HPSE2: variants seen among roughly 807,000 people sequenced by gnomAD.
HPSE2 encodes inactive heparanase-2.
A neutral mutation model predicts 60.5 loss-of-function variants in HPSE2; 38 were observed. The observed-to-expected ratio is 0.63, with a 90% CI of 0.48 to 0.82. The LOEUF (loss-of-function observed/expected upper bound fraction) is 0.82, where lower values mean the gene tolerates loss of function less well. Among genes scored for constraint, HPSE2 ranks in the 40% least tolerant of loss-of-function variants. The pLI is 0.00. For missense variants in HPSE2, 713 were observed against 740.4 expected, an observed-to-expected ratio of 0.96 and a Z score of 0.43; for synonymous variants, 295 against 293.2, an observed-to-expected ratio of 1.01 and a Z score of -0.06.
chr10:98,587,817 T>C (rs984267785), intron 9 of HPSE2, among the ~76,000 whole-genome samples: 2 of 152,210 alleles, frequency 1.3e-5, no homozygotes, highest in Middle Eastern at 3.2e-3. Flanking sequence ...TTTTCTTTAC[T>C]CCAGAAAACA....
chr10:98,475,086 T>C (rs998453963), intron 11 of HPSE2, among the ~76,000 whole-genome samples: 1 of 152,120 alleles, frequency 6.6e-6, no homozygotes, highest in Non-Finnish European at 1.5e-5. Flanking sequence ...TACTTGGAAC[T>C]CTTGAGCCCT....
At chr10:98,660,444 T>A (rs1200137143) in intron 6 of HPSE2, among the ~76,000 whole-genome samples, 1 of 152,182 alleles carries the variant, frequency 6.6e-6, no homozygotes, top group Admixed American at 6.5e-5. Flanking sequence ...TTATTGGGGC[T>A]CCTTTCCATA....
chr10:99,297,827 T>C, the HPSE2 span, among the ~76,000 whole-genome samples: 1 of 152,106 alleles, frequency 6.6e-6, no homozygotes, highest in Non-Finnish European at 1.5e-5. Context: ...TCAGCATTGG[T>C]AATTTTGACC....
At chr10:99,263,990 G>A in the HPSE2 span, among the ~76,000 whole-genome samples, 14 of 151,782 alleles carry the variant, frequency 9.2e-5, no homozygotes, top group East Asian at 1.9e-4. Flanking sequence ...TCTTATTCTC[G>A]TTCCCATTCT....
chr10:98,696,899 A>G (rs1236485859), intron 5 of HPSE2, among the ~76,000 whole-genome samples: 2 of 152,226 alleles, frequency 1.3e-5, no homozygotes, highest in Admixed American at 6.5e-5. Context: ...GCAGCCCTAT[A>G]GAACAGGGAC....
intron 3 of HPSE2, among the ~76,000 whole-genome samples, chr10:99,110,012 A>G (rs1589671269): frequency 6.6e-6 from 1 of 152,308 alleles, no homozygotes; most frequent in East Asian, 1.9e-4. Flanking sequence ...TTCTCCAGAA[A>G]TTATACGATA....
chr10:98,890,985 T>C (rs749202566), intron 3 of HPSE2, among the ~76,000 whole-genome samples: 5 of 152,230 alleles, frequency 3.3e-5, no homozygotes, highest in African/African-American at 4.8e-5. Context: ...GGAGCACATA[T>C]CTTATTTTAA....
At chr10:98,884,970 C>A (rs1277957112) in intron 3 of HPSE2, among the ~76,000 whole-genome samples, 1 of 152,092 alleles carries the variant, frequency 6.6e-6, no homozygotes, top group Admixed American at 6.6e-5. Flanking sequence ...CCAGAACTGC[C>A]ATAGGCAGTG....
chr10:98,564,137 A>C (rs1302389474), intron 9 of HPSE2, among the ~76,000 whole-genome samples: 2 of 152,288 alleles, frequency 1.3e-5, no homozygotes, highest in Non-Finnish European at 2.9e-5. Context: ...GCCAGCCACA[A>C]TGTACTAAAA....
chr10:98,513,043 T>C (rs1942472363), intron 9 of HPSE2, among the ~76,000 whole-genome samples: 2 of 152,234 alleles, frequency 1.3e-5, no homozygotes, highest in African/African-American at 4.8e-5. Flanking sequence ...AGTTCATATG[T>C]GTCTTTCCTT....
chr10:98,645,911 C>G (rs1257465891), intron 6 of HPSE2, among the ~76,000 whole-genome samples: 1 of 152,094 alleles, frequency 6.6e-6, no homozygotes, highest in South Asian at 2.1e-4. Flanking sequence ...GGAGGCGGAG[C>G]TTGCAGTGAG....
intron 3 of HPSE2, among the ~76,000 whole-genome samples, chr10:99,102,271 T>C (rs1208716077): frequency 6.6e-6 from 1 of 151,782 alleles, no homozygotes; most frequent in Non-Finnish European, 1.5e-5. Flanking sequence ...AAGAATCAAA[T>C]AGATGCAATA....
the HPSE2 span, among the ~76,000 whole-genome samples, chr10:99,305,979 G>GTGCGCGCGCGCGCGCGCACACACACA: frequency 3.7e-5 from 3 of 80,580 alleles, no homozygotes; most frequent in African/African-American, 5.4e-5. Flanking sequence ...GCGCGCGCGC[G>GTGCGCGCGCGCGCGCGCACACACACA]CACACACACA....
At chr10:98,921,626 T>C (rs1437119402) in intron 3 of HPSE2, among the ~76,000 whole-genome samples, 2 of 152,218 alleles carry the variant, frequency 1.3e-5, no homozygotes, top group Non-Finnish European at 2.9e-5. Context: ...CCCCCAATTT[T>C]AGTGACTGGA....
intron 2 of HPSE2, among the ~76,000 whole-genome samples, chr10:99,195,147 T>C (rs1848350778): frequency 6.6e-6 from 1 of 152,160 alleles, no homozygotes; most frequent in Non-Finnish European, 1.5e-5. Flanking sequence ...TTTCAACTGA[T>C]GCTAAAAAAG....
intron 7 of HPSE2, among the ~76,000 whole-genome samples, chr10:98,632,575 A>G (rs1292616226): frequency 2.0e-5 from 3 of 152,142 alleles, no homozygotes; most frequent in African/African-American, 7.2e-5. Flanking sequence ...ATGAAGGCCA[A>G]GAGTCAAAGT....
intron 3 of HPSE2, among the ~76,000 whole-genome samples, chr10:98,750,947 A>G (rs1949744071): frequency 6.6e-6 from 1 of 152,164 alleles, no homozygotes. Context: ...TACTGGAAAG[A>G]AGAGAGACAG....
chr10:98,513,832 G>A lies in HPSE2; in HGVS notation c.1321-23636C>T, dbSNP rs188918743. Reference sequence around the variant, plus strand: ...GAATTGTCAAATGGTACAGCCACTAGGTAAAAGTTTGGTGGTTCCTCAATA... The same window carrying A: ...GAATTGTCAAATGGTACAGCCACTAAGTAAAAGTTTGGTGGTTCCTCAATA... On this transcript the variant is annotated intron_variant, in intron 9 of 11. Coordinates refer to ENST00000370552, the MANE Select transcript of HPSE2 (RefSeq NM_021828.5). Among the ~76,000 whole-genome samples, 192 of 152,220 alleles carry A rather than the reference G, an allele frequency of 1.3e-3. 1 individual carries two copies. The highest frequency in any genetic ancestry group is 2.6e-4 in the Non-Finnish European group (18 of 68,022).
Position 99,235,736 on chromosome 10 carries a change from C to A in HPSE2, c.67G>T (p.Ala23Ser). 6.2e-7 allele frequency: 1 copy of A among 1,613,890 alleles called. No homozygotes were observed. ...SSNSRPPACL[A>S]PGALYLALLL... ...AGAGCCAAGTAGAGAGCCCCCGGGG[C>A]TAGGCACGCGGGGGGGCGGGAGTTG... Residue 23 changes from alanine (A) to serine (S), a missense_variant, in exon 1 of 12, where the codon GCC becomes TCC. Transcript: ENST00000370552.
Sources: gnomAD v4.1 joint callset for allele counts (sites outside exome capture counted in the v4.1 genomes callset) on GRCh38, gnomAD v4.1.1 for gene constraint, MANE v1.5 for transcripts, NCBI Gene and HGNC (gene_info 2026-07-23, HGNC 2026-07-21) for gene names.